CACNA2D4: variants seen among roughly 807,000 people sequenced by gnomAD.
CACNA2D4 encodes voltage-dependent calcium channel subunit alpha-2/delta-4.
A neutral mutation model predicts 163.8 loss-of-function variants in CACNA2D4; 157 were observed. The observed-to-expected ratio is 0.96, with a 90% CI of 0.84 to 1.09. The LOEUF is 1.09. Among genes scored for constraint, CACNA2D4 ranks in the 50% least tolerant of loss-of-function variants. The pLI is 0.00. For synonymous variants in CACNA2D4, 598 were observed against 586.9 expected, an observed-to-expected ratio of 1.02 and a Z score of -0.27; for missense variants, 1,410 against 1,479.9, an observed-to-expected ratio of 0.95 and a Z score of 0.78.
In CACNA2D4 at chr12:1,801,660, A is replaced by G; in HGVS notation, c.2722-16T>C. The G allele has an allele frequency of 6.4e-7, 1 of 1,552,106 alleles. No individual in the cohort carries two copies. The highest frequency in any genetic ancestry group is 2.4e-5 in the East Asian group (1 of 42,548). ...ATCTTCCCGTCTGTGAGAGAGGGAC[A>G]GCAGAGAGAGAGGGAGGGAGAGAGA... On this transcript the variant is annotated splice_polypyrimidine_tract_variant and intron_variant, in intron 29 of 37. Transcript: ENST00000382722.
chr12:1,862,101 C>G lies in CACNA2D4; in HGVS notation c.1879-1895G>C, dbSNP rs568402667. ...GTAGTATCGCAGTGTGTGGACACGGCCCAGTATGCTTCTACGCTCATCGAT... is the reference window on the plus strand; with the variant it reads ...GTAGTATCGCAGTGTGTGGACACGGGCCAGTATGCTTCTACGCTCATCGAT... On this transcript the variant is annotated intron_variant, in intron 18 of 37. Coordinates refer to ENST00000382722, the MANE Select transcript of CACNA2D4 (RefSeq NM_172364.5). Among the ~76,000 whole-genome samples, 1,254 of 152,298 alleles carry G rather than the reference C, an allele frequency of 8.2e-3. 7 individuals carry two copies. Among genetic ancestry groups the G allele is most frequent in the Middle Eastern group, 0.02 (6 of 294 alleles).
rs1404037918 is a variant in CACNA2D4 at position 1,918,230 on chromosome 12, T to A, written c.227+17A>T. The A allele has an allele frequency of 1.5e-5, 24 of 1,575,100 alleles. No individual in the cohort carries two copies. The highest frequency in any genetic ancestry group is 2.1e-5 in the Non-Finnish European group (24 of 1,154,672). ...GGGTGACCGGGTTTTTGGGGTGGGG[T>A]TGAACGTGATGCTTACGTTTCCAGA... On this transcript the variant is annotated intron_variant, in intron 1 of 37. Transcript: ENST00000382722.
chr12:1,901,271 C>A (rs1028885258), intron 6 of CACNA2D4, among the ~76,000 whole-genome samples: 1 of 151,810 alleles, frequency 6.6e-6, no homozygotes, highest in Non-Finnish European at 1.5e-5. Flanking sequence ...AATAATCTAA[C>A]AATACATCTT....
chr12:1,804,537 T>C (rs1224287636), intron 29 of CACNA2D4, among the ~76,000 whole-genome samples: 3 of 152,250 alleles, frequency 2.0e-5, no homozygotes, highest in African/African-American at 7.2e-5. Context: ...GCTTGATTTT[T>C]CTAGGATTTG....
chr12:1,878,466 G>A lies in CACNA2D4; in HGVS notation c.1645-77C>T, dbSNP rs749565727. 3 of 1,551,528 alleles carry A rather than the reference G, an allele frequency of 1.9e-6. No homozygotes were observed. The highest frequency in any genetic ancestry group is 1.7e-6 in the Non-Finnish European group (2 of 1,147,778). On this transcript the variant is annotated intron_variant, in intron 15 of 37. Transcript: ENST00000382722. This position sits in a 1 kb window ranked among gnomAD's most constrained non-coding sequence, Gnocchi z 4.6. ...TCTGGAGTTGGGCAGGGGTTTGGGGGCCACAGGACGGTCAAAGATGGCAGC... is the reference window on the plus strand; with the variant it reads ...TCTGGAGTTGGGCAGGGGTTTGGGGACCACAGGACGGTCAAAGATGGCAGC...
intron 16 of CACNA2D4, among the ~76,000 whole-genome samples, chr12:1,877,834 A>G (rs545614012): frequency 1.3e-5 from 2 of 152,326 alleles, no homozygotes; most frequent in African/African-American, 4.8e-5. Context: ...TTCCTCAGCC[A>G]TCAGAGGCTC....
chr12:1,830,557 A>G (rs1358018653), intron 26 of CACNA2D4, among the ~76,000 whole-genome samples: 3 of 152,176 alleles, frequency 2.0e-5, no homozygotes, highest in Non-Finnish European at 4.4e-5. Context: ...GTCAACATCC[A>G]TGGTGTCAGT....
chr12:1,918,541 C>G lies in CACNA2D4; in HGVS notation c.-68G>C. ...CCTTTGTCTTCCGTGCCTTGGCGAG[C>G]CTGGGGTCTCCAGCCTCTCAGTCCT... On this transcript the variant is annotated 5_prime_UTR_variant, in exon 1 of 38. Transcript: ENST00000382722. 1 of 1,255,482 alleles carries G rather than the reference C, an allele frequency of 8.0e-7. No individual in the cohort carries two copies. Among genetic ancestry groups the G allele is most frequent in the Non-Finnish European group, 1.1e-6 (1 of 895,394 alleles). The allele number at this position is 1,255,482 out of a possible 1,614,324, so 77.8% of individuals were successfully genotyped here.
Position 1,873,845 on chromosome 12 carries a change from G to A in CACNA2D4, c.1878+759C>T, listed in dbSNP as rs923126178. Among the ~76,000 whole-genome samples the A allele has an allele frequency of 7.9e-5, 12 of 152,222 alleles. 1 individual carries two copies. The highest frequency in any genetic ancestry group is 1.5e-4 in the Non-Finnish European group (10 of 68,038). Reference sequence around the variant, plus strand: ...ACTGGTCCCAGTGAAAATCAGTCTGGCCTAAAAGGGATGCTTCCTTGTCTC... The same window carrying A: ...ACTGGTCCCAGTGAAAATCAGTCTGACCTAAAAGGGATGCTTCCTTGTCTC... On this transcript the variant is annotated intron_variant, in intron 18 of 37. Coordinates refer to ENST00000382722, the MANE Select transcript of CACNA2D4 (RefSeq NM_172364.5).
intron 1 of CACNA2D4, 135 bp from the exon 2 acceptor site, chr12:1,915,070 C>T: frequency 1.4e-6 from 1 of 730,562 alleles, no homozygotes; most frequent in Non-Finnish European, 2.5e-6. Context: ...CATGCATACT[C>T]CAACACACAG....
At chr12:1,890,311 G>A (rs993629888) in intron 6 of CACNA2D4, among the ~76,000 whole-genome samples, 14 of 152,276 alleles carry the variant, frequency 9.2e-5, no homozygotes, top group African/African-American at 3.1e-4. Context: ...ACTGCGTCCT[G>A]CCTGGGGGCC....
chr12:1,893,872 C>G (rs1435170801), intron 6 of CACNA2D4, among the ~76,000 whole-genome samples: 1 of 151,836 alleles, frequency 6.6e-6, no homozygotes, highest in Non-Finnish European at 1.5e-5. Context: ...CAAACCAAAC[C>G]TAAAATTAGT....
At chr12:1,911,821 G>C (rs1182426071) in intron 3 of CACNA2D4, among the ~76,000 whole-genome samples, 2 of 152,178 alleles carry the variant, frequency 1.3e-5, no homozygotes, top group African/African-American at 4.8e-5. Context: ...GTCTGTGTTT[G>C]ATCCAAGGAG....
chr12:1,800,149 C>G (rs1294559483), intron 32 of CACNA2D4, 97 bp from the exon 33 acceptor site: 15 of 1,255,396 alleles, frequency 1.2e-5, no homozygotes, highest in Non-Finnish European at 1.1e-6. Flanking sequence ...GGCCCATCCC[C>G]TCTCCTCCAG....
intron 4 of CACNA2D4, among the ~76,000 whole-genome samples, chr12:1,909,423 T>G (rs1866759285): frequency 6.6e-6 from 1 of 152,226 alleles, no homozygotes; most frequent in Admixed American, 6.5e-5. Context: ...CTCGATCTCC[T>G]GACCTTGTGA....
chr12:1,837,258 C>T lies in CACNA2D4; in HGVS notation c.2551+3481G>A, dbSNP rs150506586. On this transcript the variant is annotated intron_variant, in intron 26 of 37. Transcript: ENST00000382722. ...GAGGGGAGGGCAGTTGGAGGGGCCT[C>T]GGCTGACTGGGTTCTTTCAGCCTCA... 3.8e-3 allele frequency among the ~76,000 whole-genome samples: 573 copies of T among 152,316 alleles called. 1 individual carries two copies. The highest frequency in any genetic ancestry group is 6.5e-3 in the Non-Finnish European group (439 of 68,020).
rs144205835 is a variant in CACNA2D4, at chr12:1,828,241, G to A, written c.2551+12498C>T. On this transcript the variant is annotated intron_variant, in intron 26 of 37. Transcript: ENST00000382722. This position sits in a 1 kb window ranked among gnomAD's most constrained non-coding sequence, Gnocchi z 4.2. ...GTGAGTACACCCCTGGCCTCGGAGG[G>A]GGGTGCGGGTTGGGTGGGGGTGCCG... 1.2e-3 allele frequency: 1,782 copies of A among 1,531,360 alleles called. 21 individuals are homozygous for A. The African/African-American group carries it at 0.013, about 11-fold the overall frequency. 94.9% of individuals were successfully genotyped at this position (1,531,360 alleles called of 1,614,324 possible). A position where few individuals can be genotyped will look rare whatever the true frequency, so the allele number is the denominator to read the frequency against.
rs965054979 is a variant in CACNA2D4, at chr12:1,834,995, AAGG to A, written c.2551+5741_2551+5743del. ...CCCTAAGCTCTGGCCACAGCAAAGCAAGGAGGTGTGTGCAAGAGGAGGCTTCCG... is the reference window on the plus strand; with the variant it reads ...CCCTAAGCTCTGGCCACAGCAAAGCAAGGTGTGTGCAAGAGGAGGCTTCCG... On this transcript the variant is annotated intron_variant, in intron 26 of 37. Coordinates refer to ENST00000382722, the MANE Select transcript of CACNA2D4 (RefSeq NM_172364.5). This position sits in a 1 kb window ranked among gnomAD's most constrained non-coding sequence, Gnocchi z 7.6. 1.4e-5 allele frequency: 7 copies of A among 511,362 alleles called. No individual in the cohort carries two copies. Among genetic ancestry groups the A allele is most frequent in the African/African-American group, 1.2e-4 (6 of 52,042 alleles). 31.7% of individuals were successfully genotyped at this position (511,362 alleles called of 1,614,324 possible). A position where few individuals can be genotyped will look rare whatever the true frequency, so the allele number is the denominator to read the frequency against.
chr12:1,795,046 C>T, intron 37 of CACNA2D4: 2 of 581,810 alleles, frequency 3.4e-6, no homozygotes, highest in Non-Finnish European at 6.1e-6. Flanking sequence ...AAAAGATGCA[C>T]CTATCACCCT....
Sources: allele counts gnomAD v4.1 joint callset (sites outside exome capture counted in the v4.1 genomes callset), GRCh38; gene constraint gnomAD v4.1.1; non-coding constraint Gnocchi (gnomAD v3.1); transcripts MANE v1.5; gene names NCBI Gene and HGNC (gene_info 2026-07-23, HGNC 2026-07-21).